Variants in ARMH3 observed in about 807,000 individuals in gnomAD.
ARMH3 encodes the protein armadillo like helical domain containing 3, also known as armadillo-like helical domain-containing protein 3.
In ARMH3, 60 loss-of-function variants were observed where a neutral mutation model predicts 99.1. That is an observed-to-expected ratio of 0.61 (90% confidence interval 0.49 to 0.75). The LOEUF (loss-of-function observed/expected upper bound fraction) is 0.75. Ranked by LOEUF, ARMH3 falls within the 30% of genes least tolerant of loss-of-function variation. The probability of loss-of-function intolerance (pLI) is 0.00; values close to 1 mark genes in which losing one functional copy is unlikely to be tolerated. For synonymous variants in ARMH3, 285 were observed against 292.8 expected (o/e 0.97, Z 0.27); for missense variants, 679 against 843.1 (o/e 0.81, Z 2.41).
At chr10:101,917,691 G>A (rs945591641) in intron 23 of ARMH3, among the ~76,000 whole-genome samples, 5 of 152,148 alleles carry the variant, frequency 3.3e-5, no homozygotes, top group African/African-American at 9.7e-5. Context: ...TTTCCCAAGG[G>A]AATAGCTGGG....
rs897977927 is a variant in ARMH3, at chr10:102,020,683, G to GA, written c.669+2793dup. On this transcript the variant is annotated intron_variant, in intron 8 of 25. Coordinates refer to ENST00000370033, the MANE Select transcript of ARMH3 (RefSeq NM_024541.3). ...CCTGGGCGACAGAGACTCCATCTCA[G>GA]AAAAAAAAAAAAAAAAAAAATTAGC... Among the ~76,000 whole-genome samples, 352 of 87,504 alleles carry GA rather than the reference G, an allele frequency of 4.0e-3. 3 individuals carry two copies. The highest frequency in any genetic ancestry group is 7.2e-3 in the African/African-American group (171 of 23,746). The allele number at this position is 87,504 out of a possible 152,430, so 57.4% of individuals were successfully genotyped here. A position where few individuals can be genotyped will look rare whatever the true frequency, so the allele number is the denominator to read the frequency against.
intron 24 of ARMH3, among the ~76,000 whole-genome samples, chr10:101,860,003 G>T (rs2066824757): frequency 6.6e-6 from 1 of 152,148 alleles, no homozygotes; most frequent in Non-Finnish European, 1.5e-5. Context: ...ACTGTTGAGA[G>T]ATATGAAGGT....
intron 10 of ARMH3, 132 bp downstream of exon 10, chr10:102,012,701 A>C: frequency 1.3e-6 from 1 of 779,324 alleles, no homozygotes; most frequent in South Asian, 2.7e-5. Context: ...GAGCAAATAC[A>C]TCTGCCAGGG....
chr10:101,943,355 T>C (rs1336574230), intron 22 of ARMH3, among the ~76,000 whole-genome samples: 3 of 152,168 alleles, frequency 2.0e-5, no homozygotes, highest in Non-Finnish European at 2.9e-5. Context: ...AACTTATGTT[T>C]CCACCAGCAA....
chr10:101,991,944 G>C (rs754687171), intron 18 of ARMH3, 25 bp downstream of exon 18: 2 of 1,595,930 alleles, frequency 1.3e-6, no homozygotes, highest in East Asian at 4.5e-5. Context: ...ACAGAACAAT[G>C]TCAATGTTGA....
chr10:101,942,585 G>A (rs1178648229), intron 22 of ARMH3, among the ~76,000 whole-genome samples: 1 of 152,140 alleles, frequency 6.6e-6, no homozygotes, highest in African/African-American at 2.4e-5. Flanking sequence ...TAGTGAGCCG[G>A]GCACAGTGGC....
chr10:102,051,451 C>T (rs1285741326), intron 1 of ARMH3, among the ~76,000 whole-genome samples: 1 of 145,636 alleles, frequency 6.9e-6, no homozygotes, highest in Non-Finnish European at 1.5e-5. Flanking sequence ...ACAGCCTGGG[C>T]AACAGAGGGA....
At chr10:101,925,193 T>A (rs1199211017) in intron 23 of ARMH3, among the ~76,000 whole-genome samples, 1 of 152,200 alleles carries the variant, frequency 6.6e-6, no homozygotes, top group Non-Finnish European at 1.5e-5. Context: ...AGCTGCTGAA[T>A]AACATAATGC....
intron 14 of ARMH3, 139 bp from the exon 15 acceptor site, chr10:102,002,211 C>A: frequency 7.7e-7 from 1 of 1,307,006 alleles, no homozygotes; most frequent in Non-Finnish European, 1.0e-6. Context: ...AAGTGCTCAT[C>A]ACAAAACTTT....
At chr10:102,053,533 TA>T (rs1263278545) in intron 1 of ARMH3, among the ~76,000 whole-genome samples, 1 of 151,802 alleles carries the variant, frequency 6.6e-6, no homozygotes, top group Non-Finnish European at 1.5e-5. Flanking sequence ...CCAGGCCGAG[TA>T]AAAATGCCTT....
chr10:101,942,309 CTG>C, intron 22 of ARMH3, among the ~76,000 whole-genome samples: 1 of 152,222 alleles, frequency 6.6e-6, no homozygotes, highest in Non-Finnish European at 1.5e-5. Context: ...GATTACAACT[CTG>C]TAAAACTATG....
chr10:101,917,921 C>A (rs758805916), intron 23 of ARMH3, among the ~76,000 whole-genome samples: 1 of 152,216 alleles, frequency 6.6e-6, no homozygotes, highest in Non-Finnish European at 1.5e-5. Flanking sequence ...CCCCAGCCCC[C>A]ACACTGGCAT....
chr10:101,873,162 G>A (rs1407090341), intron 24 of ARMH3, among the ~76,000 whole-genome samples: 1 of 151,154 alleles, frequency 6.6e-6, no homozygotes, highest in South Asian at 2.1e-4. Context: ...CCAGCACTTT[G>A]GGAGGCCGAG....
chr10:101,934,901 G>C (rs1446691532), intron 23 of ARMH3, among the ~76,000 whole-genome samples: 1 of 151,992 alleles, frequency 6.6e-6, no homozygotes, highest in African/African-American at 2.4e-5. Context: ...TAGCATATAA[G>C]TCTTCAGACA....
intron 23 of ARMH3, among the ~76,000 whole-genome samples, chr10:101,897,857 A>G (rs1033478052): frequency 2.6e-5 from 4 of 152,224 alleles, no homozygotes; most frequent in Non-Finnish European, 4.4e-5. Context: ...TCACTTATAC[A>G]GGCTGAAGCA....
chr10:101,964,444 C>T (rs2135858061), intron 20 of ARMH3, among the ~76,000 whole-genome samples: 1 of 152,318 alleles, frequency 6.6e-6, no homozygotes, highest in Non-Finnish European at 1.5e-5. Flanking sequence ...TTTACAGCAG[C>T]ATCATTCACA....
At chr10:101,934,556 T>C (rs1430817919) in intron 23 of ARMH3, among the ~76,000 whole-genome samples, 2 of 152,174 alleles carry the variant, frequency 1.3e-5, no homozygotes, top group Non-Finnish European at 2.9e-5. Flanking sequence ...ACATTAACCA[T>C]AGTTAAAACT....
At chr10:101,937,511 C>A (rs1164501894) in intron 23 of ARMH3, among the ~76,000 whole-genome samples, 19 of 149,768 alleles carry the variant, frequency 1.3e-4, no homozygotes, top group African/African-American at 4.7e-4. Context: ...AGAGTCAGAC[C>A]CTGTCTCCAA....
chr10:101,981,096 G>T (rs1846208760), intron 19 of ARMH3, among the ~76,000 whole-genome samples: 1 of 151,816 alleles, frequency 6.6e-6, no homozygotes, highest in Non-Finnish European at 1.5e-5. Flanking sequence ...TCGGAGGATG[G>T]GTCAATAGGC....
Sources: allele counts gnomAD v4.1 joint callset (sites outside exome capture counted in the v4.1 genomes callset), GRCh38; gene constraint gnomAD v4.1.1; transcripts MANE v1.5; gene names NCBI Gene and HGNC (gene_info 2026-07-23, HGNC 2026-07-21).